AGBL4: variants seen among roughly 807,000 people sequenced by gnomAD.
The protein encoded by AGBL4 is AGBL carboxypeptidase 4, also known as cytosolic carboxypeptidase 6.
In AGBL4, 58 loss-of-function variants were observed where a neutral mutation model predicts 66.4. The observed-to-expected ratio is 0.87, with a 90% CI of 0.71 to 1.09. AGBL4 has a LOEUF of 1.09. Ranked by LOEUF, AGBL4 falls within the 50% of genes least tolerant of loss-of-function variation. The pLI is 0.00. For synonymous variants in AGBL4, 234 were observed against 222.9 expected, an observed-to-expected ratio of 1.05 and a Z score of -0.44; for missense variants, 579 against 631.0, an observed-to-expected ratio of 0.92 and a Z score of 0.88.
At chr1:48,940,339 C>T (rs1655861695) in intron 5 of AGBL4, among the ~76,000 whole-genome samples, 1 of 152,118 alleles carries the variant, frequency 6.6e-6, no homozygotes, top group Non-Finnish European at 1.5e-5. Context: ...GATCATGCCA[C>T]TGCACTCCAA....
chr1:48,742,959 A>G (rs1170066801), intron 6 of AGBL4, among the ~76,000 whole-genome samples: 1 of 152,234 alleles, frequency 6.6e-6, no homozygotes, highest in African/African-American at 2.4e-5. Context: ...AAAAGGTGGA[A>G]AACTGGAAGA....
intron 1 of AGBL4, among the ~76,000 whole-genome samples, chr1:49,938,579 T>C (rs575566585): frequency 1.7e-4 from 26 of 152,254 alleles, no homozygotes; most frequent in African/African-American, 3.9e-4. Context: ...TGATGAACAT[T>C]GATGCAAAAA....
intron 3 of AGBL4, among the ~76,000 whole-genome samples, chr1:49,487,953 C>T (rs1045894151): frequency 9.2e-5 from 14 of 151,702 alleles, no homozygotes; most frequent in African/African-American, 2.7e-4. Flanking sequence ...TGCTCCAATA[C>T]GTAAACATTA....
At chr1:49,891,607 G>A (rs1648653869) in intron 1 of AGBL4, among the ~76,000 whole-genome samples, 1 of 152,180 alleles carries the variant, frequency 6.6e-6, no homozygotes, top group African/African-American at 2.4e-5. Context: ...AGTGAAACCT[G>A]ATATAAACCC....
intron 1 of AGBL4, among the ~76,000 whole-genome samples, chr1:49,929,174 G>T (rs761169183): frequency 4.6e-5 from 7 of 151,884 alleles, no homozygotes; most frequent in Admixed American, 1.3e-4. Context: ...AGAAGGGGAG[G>T]GGGGCAAAGA....
chr1:48,907,988 T>C (rs747943284), intron 5 of AGBL4, among the ~76,000 whole-genome samples: 7 of 152,162 alleles, frequency 4.6e-5, no homozygotes, highest in Non-Finnish European at 8.8e-5. Context: ...TGTAGTGGTA[T>C]CTTGAGAAGG....
At chr1:50,021,119 A>G (rs1662413075) in intron 1 of AGBL4, among the ~76,000 whole-genome samples, 1 of 152,308 alleles carries the variant, frequency 6.6e-6, no homozygotes, top group East Asian at 1.9e-4. Context: ...TGCTAAATCT[A>G]GTTTTTTAGC....
chr1:49,284,936 A>G (rs1644368194), intron 3 of AGBL4, among the ~76,000 whole-genome samples: 1 of 150,198 alleles, frequency 6.7e-6, no homozygotes, highest in Admixed American at 6.7e-5. Context: ...AGACTTTAAC[A>G]CCCCACTGTC....
chr1:49,170,061 C>G (rs541431498), intron 4 of AGBL4, among the ~76,000 whole-genome samples: 1 of 151,768 alleles, frequency 6.6e-6, no homozygotes, highest in Admixed American at 6.6e-5. Flanking sequence ...GATGGATGCA[C>G]TAAAACGTCA....
Position 49,245,824 on chromosome 1 carries a change from C to T in AGBL4, c.323G>A (p.Ser108Asn). The change falls in exon 4 of 14, where the codon AGT becomes AAT. Residue 108 changes from serine (S) to asparagine (N), a missense_variant. By Grantham distance (46) the Ser-to-Asn change is conservative. Coordinates refer to ENST00000371839, the MANE Select transcript of AGBL4 (RefSeq NM_032785.4). Reference sequence around the variant, plus strand: ...AGGGGCCATCCCATCTCTATAGAGACTCTTGGTTTTACTGAAGTTAACAAT... The same window carrying T: ...AGGGGCCATCCCATCTCTATAGAGATTCTTGGTTTTACTGAAGTTAACAAT... ...FNIVNFSKTKSLYRDGMAPMV... is the reference protein window; with the variant it reads ...FNIVNFSKTKNLYRDGMAPMV... 1 of 1,549,674 alleles carries T rather than the reference C, an allele frequency of 6.5e-7. No homozygotes were observed. Among genetic ancestry groups the T allele is most frequent in the Admixed American group, 2.0e-5 (1 of 50,904 alleles).
At chr1:48,673,898 G>A (rs1217151697) in intron 6 of AGBL4, among the ~76,000 whole-genome samples, 1 of 152,188 alleles carries the variant, frequency 6.6e-6, no homozygotes, top group Admixed American at 6.5e-5. Flanking sequence ...CGCCCCCATT[G>A]CATGTTGTCT....
At chr1:48,730,108 C>A (rs1647855737) in intron 6 of AGBL4, among the ~76,000 whole-genome samples, 1 of 152,194 alleles carries the variant, frequency 6.6e-6, no homozygotes, top group Non-Finnish European at 1.5e-5. Flanking sequence ...ACCTAGAACT[C>A]TGTGCTCCCA....
At chr1:48,997,216 C>G (rs1157913974) in intron 5 of AGBL4, among the ~76,000 whole-genome samples, 1 of 152,112 alleles carries the variant, frequency 6.6e-6, no homozygotes, top group Non-Finnish European at 1.5e-5. Flanking sequence ...AGCCACTGCA[C>G]CTGGCCCAGA....
chr1:49,367,475 A>C (rs1266920335), intron 3 of AGBL4, among the ~76,000 whole-genome samples: 3 of 152,174 alleles, frequency 2.0e-5, no homozygotes, highest in Non-Finnish European at 4.4e-5. Context: ...GCTATGCTTC[A>C]TGTATAGCTT....
intron 2 of AGBL4, among the ~76,000 whole-genome samples, chr1:49,815,646 G>T (rs898567398): frequency 6.6e-6 from 1 of 151,990 alleles, no homozygotes; most frequent in East Asian, 1.9e-4. Context: ...ATATGAGGGG[G>T]TCCCTTTTTT....
At chr1:49,256,366 TA>T (rs1239733679) in intron 3 of AGBL4, among the ~76,000 whole-genome samples, 16 of 152,118 alleles carry the variant, frequency 1.1e-4, no homozygotes, top group Non-Finnish European at 1.9e-4. Flanking sequence ...AGTCAATACT[TA>T]AAAATCAATT....
chr1:48,854,023 A>G (rs905515874), intron 6 of AGBL4, among the ~76,000 whole-genome samples: 2 of 152,210 alleles, frequency 1.3e-5, no homozygotes, highest in African/African-American at 2.4e-5. Context: ...AACATGCATT[A>G]CATTTACATG....
chr1:49,790,023 G>A (rs760760932), intron 2 of AGBL4, among the ~76,000 whole-genome samples: 6 of 152,134 alleles, frequency 3.9e-5, no homozygotes, highest in East Asian at 1.9e-4. Flanking sequence ...GAGAAATAAC[G>A]CCACACATCT....
intron 5 of AGBL4, among the ~76,000 whole-genome samples, chr1:49,015,422 AT>A (rs549726675): frequency 0.39 from 49,613 of 128,316 alleles, 9,658 homozygotes; most frequent in Non-Finnish European, 0.51. Flanking sequence ...ATTTCAAGTA[AT>A]TTTTTTTTTT....
Sources: allele counts gnomAD v4.1 joint callset (sites outside exome capture counted in the v4.1 genomes callset), GRCh38; gene constraint gnomAD v4.1.1; transcripts MANE v1.5; gene names NCBI Gene and HGNC (gene_info 2026-07-23, HGNC 2026-07-21).